The following SSH2 variants were observed in gnomAD, a reference collection of about 807,000 sequenced individuals.
The protein encoded by SSH2 is slingshot protein phosphatase 2, also known as protein phosphatase Slingshot homolog 2.
SSH2 carries 37 observed loss-of-function variants against 135.2 expected under a neutral mutation model. The ratio of observed to expected loss-of-function variants is 0.27; its 90% CI spans 0.21 to 0.36. SSH2 has a LOEUF of 0.36. Among genes scored for constraint, SSH2 ranks in the 10% least tolerant of loss-of-function variants. The pLI, the probability that SSH2 is intolerant of heterozygous loss-of-function variation, is 1.00. For synonymous variants in SSH2, 628 were observed against 646.2 expected (o/e 0.97, Z 0.43); for missense variants, 1,408 against 1,765.3 (o/e 0.80, Z 3.63).
chr17:29,702,460 G>C (rs2039024352), intron 4 of SSH2, among the ~76,000 whole-genome samples: 1 of 151,886 alleles, frequency 6.6e-6, no homozygotes, highest in Non-Finnish European at 1.5e-5. Flanking sequence ...TTCGAGGCCA[G>C]CCTGGCTAAT....
intron 3 of SSH2, chr17:29,761,043 C>G: frequency 8.5e-7 from 1 of 1,171,758 alleles, no homozygotes; most frequent in African/African-American, 1.6e-5. Context: ...AGGATGCGCG[C>G]TCGCCCTCGC....
chr17:29,757,328 C>A (rs1024545310), intron 3 of SSH2, among the ~76,000 whole-genome samples: 8 of 152,166 alleles, frequency 5.3e-5, no homozygotes, highest in African/African-American at 1.9e-4. Context: ...TCAACATTTT[C>A]ATATAATCTC....
At chr17:29,717,152 T>G (rs1016637134) in intron 3 of SSH2, among the ~76,000 whole-genome samples, 1 of 152,168 alleles carries the variant, frequency 6.6e-6, no homozygotes, top group Non-Finnish European at 1.5e-5. Context: ...ACAATTTTTT[T>G]GAAGCAGGGT....
In SSH2 at chr17:29,918,422, G is replaced by A. The variant is rs182196597; in HGVS notation, c.63+11516C>T. Among the ~76,000 whole-genome samples, 132 of 152,226 alleles carry A rather than the reference G, an allele frequency of 8.7e-4. 1 individual carries two copies. The highest frequency in any genetic ancestry group is 2.8e-3 in the African/African-American group (118 of 41,526). The stretch of plus-strand genomic sequence containing the variant: ...GTTATTGTGATGCCTATTTAGTGCT[G>A]AACCCAGTGTCTACAATCACAAATT... On this transcript the variant is annotated intron_variant, in intron 1 of 15. Coordinates refer to ENST00000540801, the MANE Select transcript of SSH2 (RefSeq NM_001282129.2).
At chr17:29,902,776 C>T (rs2066582120) in intron 1 of SSH2, among the ~76,000 whole-genome samples, 2 of 151,866 alleles carry the variant, frequency 1.3e-5, no homozygotes, top group African/African-American at 4.8e-5. Flanking sequence ...AAAAGGACAT[C>T]GTAGAGGCAT....
chr17:29,793,737 C>G, intron 3 of SSH2, 157 bp downstream of exon 3: 3 of 581,796 alleles, frequency 5.2e-6, no homozygotes, highest in African/African-American at 3.8e-5. Flanking sequence ...AATACCATGC[C>G]CAGGTGCAAT....
chr17:29,724,003 T>C (rs2039905813), intron 3 of SSH2, among the ~76,000 whole-genome samples: 1 of 152,210 alleles, frequency 6.6e-6, no homozygotes, highest in African/African-American at 2.4e-5. Context: ...CAGTAGCCTC[T>C]CTTAGGTCCT....
intron 4 of SSH2, among the ~76,000 whole-genome samples, chr17:29,702,422 A>G (rs1343226986): frequency 1.3e-5 from 2 of 151,802 alleles, no homozygotes; most frequent in Non-Finnish European, 2.9e-5. Context: ...CAGGAGGCTG[A>G]GGCAGGCAGA....
chr17:29,879,168 G>A (rs1223394539), intron 1 of SSH2, among the ~76,000 whole-genome samples: 1 of 152,082 alleles, frequency 6.6e-6, no homozygotes, highest in Non-Finnish European at 1.5e-5. Flanking sequence ...AAATCAGAAT[G>A]TTGACCTAAT....
At chr17:29,861,036 T>C (rs2065755828) in intron 1 of SSH2, among the ~76,000 whole-genome samples, 1 of 152,186 alleles carries the variant, frequency 6.6e-6, no homozygotes, top group Admixed American at 6.5e-5. Context: ...TGAGCCACCG[T>C]GTCCAGCCCT....
At chr17:29,869,272 C>G (rs1432964630) in intron 1 of SSH2, among the ~76,000 whole-genome samples, 2 of 152,194 alleles carry the variant, frequency 1.3e-5, no homozygotes, top group Non-Finnish European at 1.5e-5. Flanking sequence ...AAAGGAGGAT[C>G]TTAGTAATCT....
intron 1 of SSH2, among the ~76,000 whole-genome samples, chr17:29,911,642 T>C (rs902895552): frequency 6.6e-6 from 1 of 152,096 alleles, no homozygotes; most frequent in Non-Finnish European, 1.5e-5. Context: ...AGATAAGAAA[T>C]GGGAGGCTCA....
chr17:29,844,972 G>A (rs909535522), intron 2 of SSH2, among the ~76,000 whole-genome samples: 5 of 152,052 alleles, frequency 3.3e-5, no homozygotes, highest in African/African-American at 7.2e-5. Context: ...GGCTTTCCAC[G>A]AATAGCCATA....
At chr17:29,897,018 G>A (rs558193668) in intron 1 of SSH2, among the ~76,000 whole-genome samples, 2 of 151,996 alleles carry the variant, frequency 1.3e-5, no homozygotes, top group African/African-American at 2.4e-5. Flanking sequence ...ATATATGGGT[G>A]TGTATATATA....
At chr17:29,654,293 T>C (rs929900977) in intron 12 of SSH2, among the ~76,000 whole-genome samples, 12 of 152,362 alleles carry the variant, frequency 7.9e-5, no homozygotes, top group Admixed American at 6.5e-5. Context: ...GACTTTCTTA[T>C]TAAGTTTTCC....
intron 2 of SSH2, among the ~76,000 whole-genome samples, chr17:29,831,634 C>T (rs1264514163): frequency 4.8e-5 from 7 of 147,042 alleles, no homozygotes; most frequent in Admixed American, 2.7e-4. Context: ...TGCAATGGTG[C>T]GATTTCGGCT....
chr17:29,890,742 T>C (rs1259698280), intron 1 of SSH2, among the ~76,000 whole-genome samples: 1 of 152,172 alleles, frequency 6.6e-6, no homozygotes, highest in Non-Finnish European at 1.5e-5. Context: ...CCAAAACCAA[T>C]GTATTAACTG....
intron 3 of SSH2, among the ~76,000 whole-genome samples, chr17:29,744,170 T>TG (rs1185837844): frequency 1.2e-4 from 18 of 146,042 alleles, no homozygotes; most frequent in African/African-American, 3.6e-4. Context: ...GGAGGGGGAG[T>TG]GGGGGGCGCA....
At chr17:29,637,329 C>A (rs1261305740) in intron 14 of SSH2, among the ~76,000 whole-genome samples, 1 of 152,114 alleles carries the variant, frequency 6.6e-6, no homozygotes, top group East Asian at 1.9e-4. Context: ...GAACTTCTGA[C>A]CTCGAGTGAT....
Sources: gnomAD v4.1 joint callset for allele counts (sites outside exome capture counted in the v4.1 genomes callset) on GRCh38, gnomAD v4.1.1 for gene constraint, MANE v1.5 for transcripts, NCBI Gene and HGNC (gene_info 2026-07-23, HGNC 2026-07-21) for gene names.